Variants in KRABD2 observed in about 807,000 individuals in gnomAD.
KRABD2 encodes KRAB domain containing 2.
At chr17:8,372,734 C>T in the KRABD2 span, among the ~76,000 whole-genome samples, 328 of 152,214 alleles carry the variant, frequency 2.2e-3, 1 homozygote, top group African/African-American at 6.6e-3. The surrounding 1 kb of genome is among the most constrained non-coding windows in gnomAD (Gnocchi z 4.1). Context: ...TTCAGGGGAC[C>T]GCAAAGGAAG....
At chr17:8,374,937 C>CAAAAAAAAAAAAAAAAA in the KRABD2 span, among the ~76,000 whole-genome samples, 90 of 46,184 alleles carry the variant, frequency 1.9e-3, 4 homozygotes, top group African/African-American at 6.4e-3. Context: ...GACTCTGTCA[C>CAAAAAAAAAAAAAAAAA]AAAAAAAAAA....
At chr17:8,363,857 A>T in the KRABD2 span, among the ~76,000 whole-genome samples, 415 of 63,950 alleles carry the variant, frequency 6.5e-3, 10 homozygotes, top group African/African-American at 0.023. Context: ...ATATATATAT[A>T]TATATTTATT....
At chr17:8,367,931 TAAAAAAAAAAAAAAAAAGTTAAGAGC>T in the KRABD2 span, among the ~76,000 whole-genome samples, 1 of 43,980 alleles carries the variant, frequency 2.3e-5, no homozygotes, top group Non-Finnish European at 4.9e-5. Flanking sequence ...AATGATCAAT[TAAAAAAAAAAAAAAAAAGTTAAGAGC>T]AAAAAAAAAA....
the KRABD2 span, among the ~76,000 whole-genome samples, chr17:8,361,023 C>CA: frequency 4.0e-5 from 6 of 151,884 alleles, no homozygotes; most frequent in African/African-American, 7.3e-5. Flanking sequence ...TGCTTAGTCT[C>CA]AAAAAAACCA....
the KRABD2 span, chr17:8,373,556 TC>T: frequency 5.3e-6 from 1 of 189,054 alleles, no homozygotes; most frequent in Non-Finnish European, 1.1e-5. Flanking sequence ...TGCCTTGGCC[TC>T]CCAAAGTGCC....
chr17:8,359,882 G>A, the KRABD2 span: 5 of 450,910 alleles, frequency 1.1e-5, no homozygotes, highest in Middle Eastern at 3.3e-4. Flanking sequence ...GAGAAAGAGA[G>A]GCAAAAACAA....
At chr17:8,363,800 CATAT>C in the KRABD2 span, among the ~76,000 whole-genome samples, 4 of 121,402 alleles carry the variant, frequency 3.3e-5, no homozygotes, top group South Asian at 2.7e-4. Context: ...ATATATCATA[CATAT>C]ATATATCATA....
the KRABD2 span, chr17:8,367,291 GA>G: frequency 6.6e-6 from 1 of 151,970 alleles, no homozygotes; most frequent in African/African-American, 2.4e-5. Context: ...GAGGTCAGGA[GA>G]TCGAGACCAT....
the KRABD2 span, chr17:8,376,211 T>C: frequency 8.1e-7 from 1 of 1,231,348 alleles, no homozygotes; most frequent in Admixed American, 4.2e-5. Flanking sequence ...GTCAAAAATG[T>C]CGCTTACAGG....
At chr17:8,367,746 C>T in the KRABD2 span, among the ~76,000 whole-genome samples, 1 of 151,300 alleles carries the variant, frequency 6.6e-6, no homozygotes, top group Non-Finnish European at 1.5e-5. Flanking sequence ...GTGTTTGTGT[C>T]CCTGGGTACT....
At chr17:8,366,444 C>T in the KRABD2 span, among the ~76,000 whole-genome samples, 157 of 152,300 alleles carry the variant, frequency 1.0e-3, 1 homozygote, top group Non-Finnish European at 1.6e-3. Flanking sequence ...GGTCACTTCC[C>T]GAAATGCACT....
the KRABD2 span, chr17:8,371,550 C>T: frequency 1.9e-6 from 3 of 1,572,880 alleles, no homozygotes; most frequent in Non-Finnish European, 2.6e-6. Flanking sequence ...ATAAAGGACT[C>T]TGAAAGCGAG....
chr17:8,363,646 C>A, the KRABD2 span, among the ~76,000 whole-genome samples: 4 of 151,442 alleles, frequency 2.6e-5, no homozygotes, highest in South Asian at 8.3e-4. Context: ...TGCACCTAGC[C>A]TATTTTCTAC....
chr17:8,373,894 C>T, the KRABD2 span: 2 of 156,968 alleles, frequency 1.3e-5, no homozygotes, highest in South Asian at 3.3e-4. Context: ...AGCGTCTCTG[C>T]CCAGCCGCCC....
the KRABD2 span, among the ~76,000 whole-genome samples, chr17:8,373,261 C>T: frequency 6.6e-6 from 1 of 152,212 alleles, no homozygotes; most frequent in South Asian, 2.1e-4. Context: ...TCTCGGCTCA[C>T]TGCAACCTCC....
the KRABD2 span, chr17:8,365,472 A>G: frequency 6.6e-6 from 1 of 152,268 alleles, no homozygotes; most frequent in African/African-American, 2.4e-5. Context: ...CCAAGAACAT[A>G]GCAAGATTTT....
the KRABD2 span, among the ~76,000 whole-genome samples, chr17:8,361,706 G>A: frequency 1.3e-5 from 2 of 152,098 alleles, no homozygotes; most frequent in Admixed American, 6.6e-5. Flanking sequence ...TACAGTGTGA[G>A]CCACCAAACC....
chr17:8,376,453 C>T, the KRABD2 span: 32 of 1,029,560 alleles, frequency 3.1e-5, no homozygotes, highest in Admixed American at 1.1e-4. Flanking sequence ...ACCACACGGG[C>T]ACGCCCGCTT....
At chr17:8,369,026 G>A in the KRABD2 span, 1 of 1,472,436 alleles carries the variant, frequency 6.8e-7, no homozygotes, top group East Asian at 2.3e-5. Context: ...TGTACAACTT[G>A]ACCTGAGAGT....
Sources: gnomAD v4.1 joint callset for allele counts (sites outside exome capture counted in the v4.1 genomes callset) on GRCh38, gnomAD v4.1.1 for gene constraint, Gnocchi (gnomAD v3.1) non-coding constraint, MANE v1.5 for transcripts, NCBI Gene and HGNC (gene_info 2026-07-23, HGNC 2026-07-21) for gene names.